The following ASTN2 variants were observed in gnomAD, a reference collection of about 807,000 sequenced individuals.
The protein encoded by ASTN2 is astrotactin 2.
In ASTN2, 54 loss-of-function variants were observed where a neutral mutation model predicts 139.8. The observed-to-expected ratio is 0.39, with a 90% confidence interval of 0.31 to 0.48. The LOEUF (loss-of-function observed/expected upper bound fraction) is 0.48. ASTN2 is among the 20% of genes least tolerant of loss of function. The probability of loss-of-function intolerance (pLI) is 0.95; values close to 1 mark genes in which losing one functional copy is unlikely to be tolerated. For synonymous variants in ASTN2, 756 were observed against 719.5 expected, an observed-to-expected ratio of 1.05 and a Z score of -0.81; for missense variants, 1,565 against 1,725.1, an observed-to-expected ratio of 0.91 and a Z score of 1.64.
intron 3 of ASTN2, among the ~76,000 whole-genome samples, chr9:117,169,042 A>G (rs1830731879): frequency 6.6e-6 from 1 of 152,096 alleles, no homozygotes; most frequent in African/African-American, 2.4e-5. Context: ...TACCTGAAAA[A>G]CTGAGACAAT....
At chr9:116,732,121 A>C (rs770092538) in intron 14 of ASTN2, among the ~76,000 whole-genome samples, 9 of 152,202 alleles carry the variant, frequency 5.9e-5, no homozygotes, top group Non-Finnish European at 1.2e-4. Flanking sequence ...GAAATAGCAC[A>C]GGTCAGGGGT....
intron 1 of ASTN2, among the ~76,000 whole-genome samples, chr9:117,372,637 A>G (rs1246759867): frequency 6.6e-6 from 1 of 152,202 alleles, no homozygotes; most frequent in Admixed American, 6.5e-5. Flanking sequence ...AAAGCATACA[A>G]TACAATAAAA....
chr9:116,943,710 T>C (rs1835300393), intron 10 of ASTN2, among the ~76,000 whole-genome samples: 2 of 152,174 alleles, frequency 1.3e-5, no homozygotes, highest in African/African-American at 4.8e-5. Context: ...CTGCAAGAAG[T>C]AAGCCTCAAC....
chr9:116,517,527 C>T (rs931266213), intron 19 of ASTN2, among the ~76,000 whole-genome samples: 9 of 152,180 alleles, frequency 5.9e-5, no homozygotes, highest in Non-Finnish European at 1.2e-4. Flanking sequence ...CCCAGATCTT[C>T]CCTCTGACAT....
chr9:116,646,119 T>C (rs1857576494), intron 17 of ASTN2, among the ~76,000 whole-genome samples: 1 of 152,196 alleles, frequency 6.6e-6, no homozygotes, highest in African/African-American at 2.4e-5. Flanking sequence ...ACATAGTGAA[T>C]GGGGATTGAG....
intron 3 of ASTN2, among the ~76,000 whole-genome samples, chr9:117,156,994 A>G (rs1333458341): frequency 6.6e-6 from 1 of 152,148 alleles, no homozygotes; most frequent in South Asian, 2.1e-4. Flanking sequence ...ACACACAGAC[A>G]TACAGACATA....
At chr9:117,149,175 A>T (rs1830271195) in intron 3 of ASTN2, among the ~76,000 whole-genome samples, 1 of 151,876 alleles carries the variant, frequency 6.6e-6, no homozygotes, top group African/African-American at 2.4e-5. Flanking sequence ...ATGTACCACC[A>T]TGTCCGGCTA....
chr9:117,011,940 TTCC>T (rs1837549419), intron 6 of ASTN2, among the ~76,000 whole-genome samples: 1 of 152,192 alleles, frequency 6.6e-6, no homozygotes, highest in African/African-American at 2.4e-5. Flanking sequence ...AGTCTGTGAA[TTCC>T]TCTTTAGTGC....
In ASTN2 at chr9:116,725,938, A is replaced by C. The variant is rs756615264; in HGVS notation, c.2639T>G (p.Val880Gly). The change falls in exon 16 of 23, where the codon GTT becomes GGT. Residue 880 changes from valine to glycine, a missense_variant. Physicochemically the swap from Val to Gly is moderately radical, Grantham distance 109. Coordinates refer to ENST00000313400, the MANE Select transcript of ASTN2 (RefSeq NM_001365068.1). The part of the protein sequence containing the change: ...TITLAAGFTN[V>G]LKILTKESSR... ...GCTCTCCTTGGTCAGGATCTTGAGA[A>C]CATTAGTGAAGCCTGGACAAGAGAG... 5.9e-5 allele frequency: 95 copies of C among 1,612,550 alleles called. No individual in the cohort carries two copies. Among genetic ancestry groups the C allele is most frequent in the Admixed American group, 5.8e-4 (35 of 59,868 alleles).
intron 13 of ASTN2, among the ~76,000 whole-genome samples, chr9:116,777,490 ACT>A (rs1306343791): frequency 6.6e-6 from 1 of 151,970 alleles, no homozygotes; most frequent in African/African-American, 2.4e-5. Context: ...GAATTGGTAT[ACT>A]CTCTTCTCTG....
At position 116,933,979 on chromosome 9, in the gene ASTN2, C is replaced by CTTTTTTTTTTTTTTTTTTTTTTTT. The variant is rs148724828; in HGVS notation, c.1889+41228_1889+41229insAAAAAAAAAAAAAAAAAAAAAAAA. ...ACCTCAGTTGTGCGAAGTGTTAGTCCTTTTTTTTTTTTTTTTTTTTTTTCT... is the reference window on the plus strand; with the variant it reads ...ACCTCAGTTGTGCGAAGTGTTAGTCCTTTTTTTTTTTTTTTTTTTTTTTTTTTTTTTTTTTTTTTTTTTTTTTCT... On this transcript the variant is annotated intron_variant, in intron 10 of 22. Transcript: ENST00000313400. Among the ~76,000 whole-genome samples the CTTTTTTTTTTTTTTTTTTTTTTTT allele has an allele frequency of 2.9e-3, 253 of 86,842 alleles. 38 individuals carry two copies. The highest frequency in any genetic ancestry group is 5.1e-3 in the Admixed American group (36 of 7,030). The allele number at this position is 86,842 out of a possible 152,430, so 57.0% of individuals were successfully genotyped here. A position where few individuals can be genotyped will look rare whatever the true frequency, so the allele number is the denominator to read the frequency against.
At chr9:117,118,078 A>G (rs1829445207) in intron 4 of ASTN2, among the ~76,000 whole-genome samples, 1 of 152,228 alleles carries the variant, frequency 6.6e-6, no homozygotes, top group South Asian at 2.1e-4. Flanking sequence ...AGGAAAGCTC[A>G]GTAGCCGAGA....
At chr9:116,512,700 T>C (rs1587914533) in intron 19 of ASTN2, among the ~76,000 whole-genome samples, 1 of 152,332 alleles carries the variant, frequency 6.6e-6, no homozygotes, top group Admixed American at 6.5e-5. Context: ...ATTGGGTGCA[T>C]GTATATTTAG....
At chr9:116,482,636 G>GA in intron 20 of ASTN2, among the ~76,000 whole-genome samples, 1 of 152,164 alleles carries the variant, frequency 6.6e-6, no homozygotes, top group Non-Finnish European at 1.5e-5. Flanking sequence ...GAGCAAATGT[G>GA]AAACTTGCTG....
At chr9:117,303,676 A>G (rs1440029784) in intron 1 of ASTN2, among the ~76,000 whole-genome samples, 2 of 152,138 alleles carry the variant, frequency 1.3e-5, no homozygotes, top group South Asian at 2.1e-4. Flanking sequence ...TTTTTTACCA[A>G]CCTAACTCTT....
rs1588064386 is a variant in ASTN2, at chr9:116,603,102, G to A, written c.3355+15222C>T. Among the ~76,000 whole-genome samples, 3 of 152,314 alleles carry A rather than the reference G, an allele frequency of 2.0e-5. No homozygotes were observed. In the Middle Eastern group the frequency reaches 0.01, roughly 518 times the overall value. ...CATCACAGAAGATGGAGAGTTGCAT[G>A]CATCCAGTGCAGGTGTTTGACCAAG... On this transcript the variant is annotated intron_variant, in intron 19 of 22. Coordinates refer to ENST00000313400, the MANE Select transcript of ASTN2 (RefSeq NM_001365068.1).
intron 16 of ASTN2, among the ~76,000 whole-genome samples, chr9:116,714,105 C>A (rs1828245636): frequency 6.6e-6 from 1 of 152,214 alleles, no homozygotes; most frequent in African/African-American, 2.4e-5. Flanking sequence ...ACCTTCTCTT[C>A]CAACACACAT....
chr9:117,307,333 C>T (rs1002235708), intron 1 of ASTN2, among the ~76,000 whole-genome samples: 1 of 152,202 alleles, frequency 6.6e-6, no homozygotes, highest in Admixed American at 6.5e-5. Flanking sequence ...GACAATAATG[C>T]TACAGAGTAG....
Position 117,378,513 on chromosome 9 carries a change from C to T in ASTN2, c.442+35984G>A, listed in dbSNP as rs111958536. On this transcript the variant is annotated intron_variant, in intron 1 of 22. Transcript: ENST00000313400. The stretch of plus-strand genomic sequence containing the variant: ...TTTGCAGTATGAAGAAAACACCATT[C>T]TCAGGGAGACATTACGAACATCAGT... Among the ~76,000 whole-genome samples, 416 of 152,318 alleles carry T rather than the reference C, an allele frequency of 2.7e-3. 3 individuals carry two copies. Among genetic ancestry groups the T allele is most frequent in the African/African-American group, 9.5e-3 (395 of 41,580 alleles).
Sources: allele counts gnomAD v4.1 joint callset (sites outside exome capture counted in the v4.1 genomes callset), GRCh38; gene constraint gnomAD v4.1.1; transcripts MANE v1.5; gene names NCBI Gene and HGNC (gene_info 2026-07-23, HGNC 2026-07-21).